WFDC9: variants seen among roughly 807,000 people sequenced by gnomAD.
WFDC9 encodes WAP four-disulfide core domain 9.
Under a neutral mutation model 9.5 loss-of-function variants are expected in WFDC9, and 9 were observed. The observed-to-expected ratio is 0.95, with a 90% CI of 0.57 to 1.65. The LOEUF (loss-of-function observed/expected upper bound fraction) is 1.65, where lower values mean the gene tolerates loss of function less well. Among genes scored for constraint, WFDC9 ranks in the 40% most tolerant of loss-of-function variants. WFDC9 has a pLI of 0.00. For synonymous variants in WFDC9, 33 were observed against 32.3 expected, an observed-to-expected ratio of 1.02 and a Z score of -0.07; for missense variants, 87 against 106.7, an observed-to-expected ratio of 0.82 and a Z score of 0.81.
chr20:45,620,882 G>A (rs1308795957), intron 1 of WFDC9, among the ~76,000 whole-genome samples: 1 of 151,902 alleles, frequency 6.6e-6, no homozygotes, highest in Non-Finnish European at 1.5e-5. Context: ...TTACTTTTGG[G>A]AAATTACACA....
chr20:45,616,073 T>A lies in WFDC9; in HGVS notation c.-152-1352A>T, dbSNP rs184327825. On this transcript the variant is annotated intron_variant, in intron 1 of 4. Transcript: ENST00000326000. ...AATAAGAACAATGATGTTTGCCACA[T>A]CAATTGATTGATCCTTTCAAGAAAG... Among the ~76,000 whole-genome samples the A allele has an allele frequency of 5.4e-5, 8 of 148,076 alleles. No individual in the cohort carries two copies. The East Asian group carries it at 1.6e-3, about 29-fold the overall frequency.
intron 1 of WFDC9, among the ~76,000 whole-genome samples, chr20:45,618,452 AG>A: frequency 6.6e-6 from 1 of 152,328 alleles, no homozygotes; most frequent in Middle Eastern, 3.4e-3. Context: ...AGCCTATCTC[AG>A]CTGTTAACAT....
chr20:45,621,379 A>C (rs1600921633), intron 1 of WFDC9, among the ~76,000 whole-genome samples: 1 of 152,202 alleles, frequency 6.6e-6, no homozygotes, highest in South Asian at 2.1e-4. Context: ...TTTTTAGACA[A>C]CACCAAACTT....
chr20:45,628,533 T>C (rs1359911372), intron 1 of WFDC9, among the ~76,000 whole-genome samples: 1 of 152,206 alleles, frequency 6.6e-6, no homozygotes, highest in Non-Finnish European at 1.5e-5. Context: ...GTTATGACAG[T>C]GTCCAGTCTC....
At position 45,608,017 on chromosome 20, in the gene WFDC9, G is replaced by C. The variant is rs1378008794; in HGVS notation, c.*93C>G. ...GAAATAGCAGAAAGGTTACCAGCTAGAGCCAGTGGGTGTCCCAAGAAGGAA... is the reference window on the plus strand; with the variant it reads ...GAAATAGCAGAAAGGTTACCAGCTACAGCCAGTGGGTGTCCCAAGAAGGAA... On this transcript the variant is annotated 3_prime_UTR_variant, in exon 5 of 5. Coordinates refer to ENST00000326000, the MANE Select transcript of WFDC9 (RefSeq NM_147198.4). 2.1e-6 allele frequency: 3 copies of C among 1,416,068 alleles called. No individual in the cohort carries two copies. Among genetic ancestry groups the C allele is most frequent in the Non-Finnish European group, 3.0e-6 (3 of 1,007,306 alleles). The allele number at this position is 1,416,068 out of a possible 1,614,324, so 87.7% of individuals were successfully genotyped here.
intron 1 of WFDC9, among the ~76,000 whole-genome samples, chr20:45,620,925 ATC>A (rs1282446773): frequency 1.3e-5 from 2 of 152,082 alleles, no homozygotes; most frequent in Admixed American, 6.5e-5. Flanking sequence ...TAATCTGAGA[ATC>A]TCTGTCTTTT....
chr20:45,616,777 C>T (rs140963780), intron 1 of WFDC9, among the ~76,000 whole-genome samples: 36 of 152,206 alleles, frequency 2.4e-4, no homozygotes, highest in Admixed American at 7.2e-4. Context: ...TTTTCTGAGC[C>T]GTAGGCCTCA....
At chr20:45,616,026 G>T (rs1247133009) in intron 1 of WFDC9, among the ~76,000 whole-genome samples, 1 of 152,142 alleles carries the variant, frequency 6.6e-6, no homozygotes, top group African/African-American at 2.4e-5. Flanking sequence ...TGAGGGTTGG[G>T]GTAGCTGTGG....
intron 2 of WFDC9, among the ~76,000 whole-genome samples, chr20:45,613,784 G>C (rs2145596323): frequency 6.6e-6 from 1 of 152,294 alleles, no homozygotes; most frequent in African/African-American, 2.4e-5. Context: ...CTGAGTCCTT[G>C]AGAACCTCAG....
At chr20:45,608,535 G>T in intron 4 of WFDC9, 128 bp downstream of exon 4, 1 of 1,163,868 alleles carries the variant, frequency 8.6e-7, no homozygotes. Flanking sequence ...TTTGGAGATA[G>T]GAGGACATTG....
At position 45,611,901 on chromosome 20, in the gene WFDC9, A is replaced by T. The variant is rs184252525; in HGVS notation, c.-58-1662T>A. Among the ~76,000 whole-genome samples, 545 of 152,156 alleles carry T rather than the reference A, an allele frequency of 3.6e-3. 2 individuals are homozygous for T. Among genetic ancestry groups the T allele is most frequent in the African/African-American group, 0.012 (512 of 41,500 alleles). On this transcript the variant is annotated intron_variant, in intron 2 of 4. Coordinates refer to ENST00000326000, the MANE Select transcript of WFDC9 (RefSeq NM_147198.4). The stretch of plus-strand genomic sequence containing the variant: ...ATTTTCATCACCACACTATTTGCTG[A>T]TGGGTATTTTAAGAGGAAAGAACAT...
intron 2 of WFDC9, among the ~76,000 whole-genome samples, chr20:45,612,460 G>T (rs1006556440): frequency 2.0e-5 from 3 of 152,084 alleles, no homozygotes; most frequent in Non-Finnish European, 4.4e-5. Flanking sequence ...ACAAGATAAG[G>T]AAATGCATAG....
chr20:45,609,733 C>T (rs944639498), intron 3 of WFDC9, among the ~76,000 whole-genome samples: 1 of 152,096 alleles, frequency 6.6e-6, no homozygotes, highest in African/African-American at 2.4e-5. Flanking sequence ...AAATATTACC[C>T]TTTTGGCATT....
At chr20:45,619,958 G>A (rs1227086460) in intron 1 of WFDC9, among the ~76,000 whole-genome samples, 7 of 151,890 alleles carry the variant, frequency 4.6e-5, no homozygotes, top group East Asian at 1.9e-4. Context: ...CCCAGGAGGC[G>A]GAGGTTGCAG....
Position 45,611,663 on chromosome 20 carries a change from A to G in WFDC9, c.-58-1424T>C, listed in dbSNP as rs189007361. On this transcript the variant is annotated intron_variant, in intron 2 of 4. Transcript: ENST00000326000. Reference sequence around the variant, plus strand: ...TCTCGTTATAAAAATGTCCTGATGAACCTCCTTATAGTTAAAGCTTTGGTA... The same window carrying G: ...TCTCGTTATAAAAATGTCCTGATGAGCCTCCTTATAGTTAAAGCTTTGGTA... 4.0e-3 allele frequency among the ~76,000 whole-genome samples: 607 copies of G among 152,104 alleles called. 4 individuals carry two copies. The highest frequency in any genetic ancestry group is 0.014 in the African/African-American group (564 of 41,498).
intron 1 of WFDC9, 40 bp downstream of exon 1, chr20:45,631,163 C>T: frequency 1.1e-6 from 1 of 903,062 alleles, no homozygotes; most frequent in Non-Finnish European, 1.5e-6. Flanking sequence ...AACCCCTTGT[C>T]CCTGTCAAAT....
intron 3 of WFDC9, among the ~76,000 whole-genome samples, 163 bp downstream of exon 3, chr20:45,609,928 G>T (rs1312341863): frequency 1.3e-5 from 2 of 152,184 alleles, no homozygotes; most frequent in African/African-American, 4.8e-5. Context: ...AGCTGAAAGA[G>T]AAAACTTAAA....
intron 1 of WFDC9, among the ~76,000 whole-genome samples, chr20:45,624,521 T>C (rs1982174229): frequency 6.6e-6 from 1 of 152,196 alleles, no homozygotes; most frequent in Admixed American, 6.5e-5. Context: ...AGTGCTGCAA[T>C]AAACATGGGG....
At chr20:45,624,361 T>A (rs972078453) in intron 1 of WFDC9, among the ~76,000 whole-genome samples, 2 of 152,236 alleles carry the variant, frequency 1.3e-5, no homozygotes, top group African/African-American at 4.8e-5. Flanking sequence ...CATAATGTCC[T>A]CCAGTTTCAG....
Sources: gnomAD v4.1 joint callset for allele counts (sites outside exome capture counted in the v4.1 genomes callset) on GRCh38, gnomAD v4.1.1 for gene constraint, MANE v1.5 for transcripts, NCBI Gene and HGNC (gene_info 2026-07-23, HGNC 2026-07-21) for gene names.